The following TTBK2 variants were observed in gnomAD, a reference collection of about 807,000 sequenced individuals.
The protein encoded by TTBK2 is tau-tubulin kinase 2.
In TTBK2, 28 loss-of-function variants were observed where a neutral mutation model predicts 110.8. That is an observed-to-expected ratio of 0.25 (90% CI 0.19 to 0.35). TTBK2 has a LOEUF of 0.35. TTBK2 is among the 10% of genes least tolerant of loss of function. The pLI is 1.00. For synonymous variants in TTBK2, 532 were observed against 527.3 expected (o/e 1.01, Z -0.12); for missense variants, 1,369 against 1,500.3 (o/e 0.91, Z 1.45).
intron 1 of TTBK2, among the ~76,000 whole-genome samples, chr15:42,895,539 ATTTT>A (rs1019730546): frequency 7.0e-6 from 1 of 142,320 alleles, no homozygotes; most frequent in East Asian, 2.0e-4. Flanking sequence ...CATCAAAAAG[ATTTT>A]TTTTTTTTTT....
intron 9 of TTBK2, among the ~76,000 whole-genome samples, chr15:42,804,007 G>GC (rs1891339699): frequency 2.3e-5 from 1 of 42,934 alleles, no homozygotes; most frequent in African/African-American, 1.5e-4. Flanking sequence ...AGCGAGGAGT[G>GC]CAAAAAAAAA....
rs781262529 is a variant in TTBK2 at position 42,783,554 on chromosome 15, A to G, written c.1062T>C (p.Asp354=). 6.2e-7 allele frequency: 1 copy of G among 1,614,040 alleles called. No homozygotes were observed. Among genetic ancestry groups the G allele is most frequent in the Non-Finnish European group, 8.5e-7 (1 of 1,180,018 alleles). Residue 354 remains aspartate (D), a synonymous_variant, in exon 11 of 15, where the codon GAT becomes GAC. Coordinates refer to ENST00000267890, the MANE Select transcript of TTBK2 (RefSeq NM_173500.4). ...CACCAACAGGGATGCCATTTTCTCC[A>G]TCGCTAAGCTGTTCATCTGGAAATA... is the stretch of plus-strand genomic sequence containing the variant. The part of the protein sequence containing the change: ...DEVFPDEQLS[D]GENGIPVGVS...
At chr15:42,852,714 A>T (rs531132258) in intron 3 of TTBK2, among the ~76,000 whole-genome samples, 1 of 152,208 alleles carries the variant, frequency 6.6e-6, no homozygotes, top group South Asian at 2.1e-4. Flanking sequence ...CCTACAGATA[A>T]TGTTACATCT....
rs776004680 is a variant in TTBK2, at chr15:42,817,114, C to A, written c.538-17G>T. 3.1e-6 allele frequency: 5 copies of A among 1,597,180 alleles called. No individual in the cohort carries two copies. The Admixed American group carries it at 8.4e-5, about 27-fold the overall frequency. ...AGCTCGAGGCTACAACGAAGCCATGCAAAGAATAATAAATGAGCTTCAAAC... is the reference window on the plus strand; with the variant it reads ...AGCTCGAGGCTACAACGAAGCCATGAAAAGAATAATAAATGAGCTTCAAAC... On this transcript the variant is annotated splice_polypyrimidine_tract_variant and intron_variant, in intron 6 of 14. Coordinates refer to ENST00000267890, the MANE Select transcript of TTBK2 (RefSeq NM_173500.4).
At chr15:42,762,713 G>A (rs2062047659) in intron 13 of TTBK2, among the ~76,000 whole-genome samples, 1 of 151,886 alleles carries the variant, frequency 6.6e-6, no homozygotes, top group African/African-American at 2.4e-5. Context: ...GTGAGATGCT[G>A]TCTCAAAAAA....
intron 10 of TTBK2, among the ~76,000 whole-genome samples, chr15:42,785,961 T>G (rs1472440999): frequency 6.6e-6 from 1 of 152,124 alleles, no homozygotes; most frequent in African/African-American, 2.4e-5. Context: ...TTTCATATGC[T>G]CTGAGAAGAC....
intron 13 of TTBK2, among the ~76,000 whole-genome samples, chr15:42,761,857 G>T (rs2062032839): frequency 6.6e-6 from 1 of 152,210 alleles, no homozygotes. Flanking sequence ...GGGTGTAACG[G>T]TTTGGCTGTG....
intron 1 of TTBK2, among the ~76,000 whole-genome samples, chr15:42,902,249 G>A (rs1429646203): frequency 1.1e-4 from 16 of 151,192 alleles, no homozygotes; most frequent in East Asian, 9.7e-4. Context: ...CGCCAGGCGC[G>A]GTTGCTCACG....
At chr15:42,897,358 T>G (rs1895706148) in intron 1 of TTBK2, among the ~76,000 whole-genome samples, 2 of 152,182 alleles carry the variant, frequency 1.3e-5, no homozygotes, top group Non-Finnish European at 2.9e-5. Context: ...ATTTATGGTA[T>G]ATATTTGAAT....
intron 6 of TTBK2, among the ~76,000 whole-genome samples, chr15:42,821,840 G>A (rs528780755): frequency 1.1e-3 from 165 of 151,738 alleles, no homozygotes; most frequent in Admixed American, 3.5e-3. Context: ...CAGGGTGCCC[G>A]CCACCACACC....
chr15:42,904,688 A>G (rs2030274110), intron 1 of TTBK2, among the ~76,000 whole-genome samples: 1 of 152,180 alleles, frequency 6.6e-6, no homozygotes, highest in African/African-American at 2.4e-5. Context: ...AAAAAGACTA[A>G]GAAAATAGCC....
intron 10 of TTBK2, 60 bp from the exon 11 acceptor site, chr15:42,783,695 A>G: frequency 1.6e-6 from 2 of 1,234,806 alleles, no homozygotes; most frequent in Admixed American, 1.7e-5. Context: ...ACTATCTTAC[A>G]TCATTTTATT....
chr15:42,903,080 C>T (rs558358415), intron 1 of TTBK2, among the ~76,000 whole-genome samples: 1 of 151,590 alleles, frequency 6.6e-6, no homozygotes, highest in Non-Finnish European at 1.5e-5. Context: ...CAGGCTCTGT[C>T]GCCCATGAGC....
intron 5 of TTBK2, among the ~76,000 whole-genome samples, chr15:42,828,964 T>G (rs1892644182): frequency 1.3e-5 from 2 of 152,156 alleles, no homozygotes; most frequent in South Asian, 4.1e-4. Context: ...TTTTTTTTGT[T>G]TTGTTTTAAT....
At chr15:42,820,021 T>C (rs1892224552) in intron 6 of TTBK2, among the ~76,000 whole-genome samples, 1 of 152,200 alleles carries the variant, frequency 6.6e-6, no homozygotes, top group Admixed American at 6.5e-5. Flanking sequence ...CAGGAGACTC[T>C]TTCTACTTAA....
intron 13 of TTBK2, among the ~76,000 whole-genome samples, chr15:42,758,458 C>G (rs1386482495): frequency 6.6e-6 from 1 of 151,962 alleles, no homozygotes; most frequent in Non-Finnish European, 1.5e-5. Flanking sequence ...GAGTTCAAGA[C>G]CAGCCTGACC....
chr15:42,890,542 C>A (rs1895415852), intron 1 of TTBK2, among the ~76,000 whole-genome samples: 1 of 152,190 alleles, frequency 6.6e-6, no homozygotes, highest in Non-Finnish European at 1.5e-5. Flanking sequence ...GCCATTCTAG[C>A]AAATTGCACT....
chr15:42,777,350 C>T (rs1889976926), intron 11 of TTBK2, 108 bp from the exon 12 acceptor site: 1 of 1,186,666 alleles, frequency 8.4e-7, no homozygotes. Flanking sequence ...GATGTGTTTT[C>T]AGATGATTAG....
intron 1 of TTBK2, among the ~76,000 whole-genome samples, chr15:42,896,591 A>C (rs1895677400): frequency 6.6e-6 from 1 of 152,118 alleles, no homozygotes; most frequent in Non-Finnish European, 1.5e-5. Flanking sequence ...GTTTAAGAAC[A>C]GCCTAAGCAA....
Sources: gnomAD v4.1 joint callset for allele counts (sites outside exome capture counted in the v4.1 genomes callset) on GRCh38, gnomAD v4.1.1 for gene constraint, MANE v1.5 for transcripts, NCBI Gene and HGNC (gene_info 2026-07-23, HGNC 2026-07-21) for gene names.